Variants in BARD1 observed in about 807,000 individuals in gnomAD.
The protein encoded by BARD1 is BRCA1-associated RING domain protein 1.
Under a neutral mutation model 77.0 loss-of-function variants are expected in BARD1, and 73 were observed. That is an observed-to-expected ratio of 0.95 (90% CI 0.79 to 1.15). The LOEUF is 1.15. BARD1 is among the 50% of genes most tolerant of loss of function. The probability of loss-of-function intolerance (pLI) is 0.00; values close to 1 mark genes in which losing one functional copy is unlikely to be tolerated. For synonymous variants in BARD1, 384 were observed against 338.0 expected, an observed-to-expected ratio of 1.14 and a Z score of -1.49; for missense variants, 993 against 938.8, an observed-to-expected ratio of 1.06 and a Z score of -0.75.
At chr2:214,793,099 T>C (rs1172325201) in intron 2 of BARD1, among the ~76,000 whole-genome samples, 1 of 152,170 alleles carries the variant, frequency 6.6e-6, no homozygotes, top group Non-Finnish European at 1.5e-5. Flanking sequence ...ATAAGAATTC[T>C]ATAAATCTCC....
intron 6 of BARD1, among the ~76,000 whole-genome samples, chr2:214,766,925 T>A (rs550205054): frequency 6.6e-6 from 1 of 152,228 alleles, no homozygotes; most frequent in South Asian, 2.1e-4. Flanking sequence ...ACCACCCAGG[T>A]ATTGAGCCTA....
intron 1 of BARD1, among the ~76,000 whole-genome samples, chr2:214,808,484 A>G (rs2106167917): frequency 1.2e-5 from 1 of 81,848 alleles, no homozygotes; most frequent in Middle Eastern, 5.8e-3. Context: ...GCAAGTTAGA[A>G]ATCAAAGGGG....
At chr2:214,755,958 C>A (rs1336672436) in intron 6 of BARD1, among the ~76,000 whole-genome samples, 2 of 152,146 alleles carry the variant, frequency 1.3e-5, no homozygotes, top group African/African-American at 4.8e-5. Context: ...ATATTAATAT[C>A]TTTTACATGT....
chr2:214,771,771 T>C (rs1694504228), intron 4 of BARD1, among the ~76,000 whole-genome samples: 1 of 152,062 alleles, frequency 6.6e-6, no homozygotes, highest in Admixed American at 6.6e-5. Flanking sequence ...TCTCTGTTTC[T>C]GTGCTCTGGG....
chr2:214,747,929 G>T (rs1429010244), intron 7 of BARD1, among the ~76,000 whole-genome samples: 2 of 151,386 alleles, frequency 1.3e-5, no homozygotes, highest in Non-Finnish European at 2.9e-5. Flanking sequence ...GTACTTTATG[G>T]ATTGTTCAAT....
chr2:214,789,347 C>T (rs1229568733), intron 3 of BARD1, among the ~76,000 whole-genome samples: 2 of 149,932 alleles, frequency 1.3e-5, no homozygotes, highest in African/African-American at 4.9e-5. Flanking sequence ...CTGGGCAACA[C>T]AGCAAGACCC....
At position 214,806,875 on chromosome 2, in the gene BARD1, G is replaced by GAAAAA. The variant is rs140107019; in HGVS notation, c.158+2536_158+2537insTTTTT. The stretch of plus-strand genomic sequence containing the variant: ...GGTGACAGAGTGAAACTTTGCCTAG[G>GAAAAA]GAAAAAAAAAAAAAAAAGGCACCCC... On this transcript the variant is annotated intron_variant, in intron 1 of 10. Coordinates refer to ENST00000260947, the MANE Select transcript of BARD1 (RefSeq NM_000465.4). Among the ~76,000 whole-genome samples, 19 of 105,970 alleles carry GAAAAA rather than the reference G, an allele frequency of 1.8e-4. 5 individuals are homozygous for GAAAAA. The highest frequency in any genetic ancestry group is 2.1e-4 in the Admixed American group (2 of 9,422). The allele number at this position is 105,970 out of a possible 152,430, so 69.5% of individuals were successfully genotyped here.
At chr2:214,766,342 T>C (rs1017420826) in intron 6 of BARD1, among the ~76,000 whole-genome samples, 3 of 152,210 alleles carry the variant, frequency 2.0e-5, no homozygotes, top group African/African-American at 7.2e-5. Context: ...TTATATGCTT[T>C]ACCTGTTGTA....
chr2:214,734,977 A>C (rs1323133509), intron 9 of BARD1, among the ~76,000 whole-genome samples: 1 of 152,196 alleles, frequency 6.6e-6, no homozygotes, highest in Non-Finnish European at 1.5e-5. Flanking sequence ...TGTTAAAGGA[A>C]ATACAGGGTT....
intron 2 of BARD1, among the ~76,000 whole-genome samples, chr2:214,795,118 G>A (rs1328367607): frequency 6.6e-6 from 1 of 152,132 alleles, no homozygotes; most frequent in Non-Finnish European, 1.5e-5. Context: ...TCTGTCAGCT[G>A]AAACAAAATA....
At chr2:214,790,363 A>G (rs940044875) in intron 3 of BARD1, among the ~76,000 whole-genome samples, 16 of 152,134 alleles carry the variant, frequency 1.1e-4, no homozygotes, top group Non-Finnish European at 8.8e-5. Flanking sequence ...GCTAAAATGA[A>G]GCGATACTGG....
At chr2:214,801,516 T>G (rs1024935836) in intron 1 of BARD1, among the ~76,000 whole-genome samples, 3 of 152,216 alleles carry the variant, frequency 2.0e-5, no homozygotes, top group Non-Finnish European at 4.4e-5. Flanking sequence ...CTTCACAATC[T>G]GTAACACCTA....
intron 4 of BARD1, among the ~76,000 whole-genome samples, chr2:214,770,585 TAA>T (rs1694436416): frequency 1.3e-5 from 2 of 152,242 alleles, no homozygotes; most frequent in African/African-American, 4.8e-5. Flanking sequence ...ACTTTCATAT[TAA>T]GACACCGTCA....
intron 1 of BARD1, among the ~76,000 whole-genome samples, chr2:214,797,513 C>G (rs773490208): frequency 2.6e-5 from 4 of 152,094 alleles, no homozygotes; most frequent in Non-Finnish European, 5.9e-5. Flanking sequence ...GTGTCCCACA[C>G]GTAGAATGAC....
intron 1 of BARD1, among the ~76,000 whole-genome samples, chr2:214,806,970 G>A (rs917195245): frequency 1.9e-4 from 28 of 151,220 alleles, no homozygotes; most frequent in African/African-American, 5.6e-4. Flanking sequence ...AGACTTTATC[G>A]ACAGTTTAGC....
intron 1 of BARD1, among the ~76,000 whole-genome samples, chr2:214,804,331 C>T (rs1375000288): frequency 6.6e-6 from 1 of 152,176 alleles, no homozygotes; most frequent in Non-Finnish European, 1.5e-5. Context: ...CCTACCTTAA[C>T]CTAAGTTCTT....
intron 6 of BARD1, among the ~76,000 whole-genome samples, chr2:214,761,816 C>CT: frequency 6.6e-6 from 1 of 152,134 alleles, no homozygotes; most frequent in Admixed American, 6.5e-5. Context: ...TGGGTCAGTA[C>CT]TTTTTTAAAA....
Position 214,767,520 on chromosome 2 carries a change from G to C in BARD1, c.1530C>G (p.Val510=). ...AGGCTCCATAGGAAAGTAACAGCTT[G>C]ACTATATCCACATGCCCATTCTTGG... is the stretch of plus-strand genomic sequence containing the variant. ...DAAKNGHVDI[V]KLLLSYGASR... The change falls in exon 6 of 11, where the codon GTC becomes GTG. Residue 510 remains valine, a synonymous_variant. Transcript: ENST00000260947. 1.2e-6 allele frequency: 2 copies of C among 1,613,964 alleles called. No homozygotes were observed. Among genetic ancestry groups the C allele is most frequent in the Non-Finnish European group, 1.7e-6 (2 of 1,179,886 alleles).
rs191565868 is a variant in BARD1, at chr2:214,728,566, A to C, written c.*110T>G. 1.9e-6 allele frequency: 2 copies of C among 1,035,772 alleles called. No homozygotes were observed. The highest frequency in any genetic ancestry group is 5.2e-5 in the Admixed American group (2 of 38,152). The allele number at this position is 1,035,772 out of a possible 1,614,324, so 64.2% of individuals were successfully genotyped here. ...TTTTTTTTTTTTGATTCAAAGACAA[A>C]TATGAATGACTCTACCTATTTGTAA... On this transcript the variant is annotated 3_prime_UTR_variant, in exon 11 of 11. Coordinates refer to ENST00000260947, the MANE Select transcript of BARD1 (RefSeq NM_000465.4).
Sources: allele counts gnomAD v4.1 joint callset (sites outside exome capture counted in the v4.1 genomes callset), GRCh38; gene constraint gnomAD v4.1.1; transcripts MANE v1.5; gene names NCBI Gene and HGNC (gene_info 2026-07-23, HGNC 2026-07-21).